Variants in SHISA9 observed in about 807,000 individuals in gnomAD.
The protein encoded by SHISA9 is shisa family member 9, also known as protein shisa-9.
SHISA9 carries 13 observed loss-of-function variants against 38.0 expected under a neutral mutation model. The ratio of observed to expected loss-of-function variants is 0.34; its 90% CI spans 0.22 to 0.54. The LOEUF is 0.54. SHISA9 is among the 20% of genes least tolerant of loss of function. SHISA9 has a pLI of 0.91. For missense variants in SHISA9, 538 were observed against 575.8 expected (o/e 0.93, Z 0.67); for synonymous variants, 275 against 242.0 (o/e 1.14, Z -1.27).
chr16:13,157,320 T>C (rs1328610864), intron 2 of SHISA9, among the ~76,000 whole-genome samples: 1 of 152,190 alleles, frequency 6.6e-6, no homozygotes, highest in Non-Finnish European at 1.5e-5. Context: ...TGTGAAGCAA[T>C]TTAGCATCAC....
At chr16:12,989,940 C>T (rs535661180) in intron 2 of SHISA9, among the ~76,000 whole-genome samples, 2 of 152,220 alleles carry the variant, frequency 1.3e-5, no homozygotes, top group South Asian at 4.1e-4. Context: ...CTTTGCACCC[C>T]TCCTGACAGA....
the SHISA9 span, among the ~76,000 whole-genome samples, chr16:13,508,431 GA>G: frequency 1.3e-5 from 2 of 152,100 alleles, no homozygotes; most frequent in South Asian, 4.2e-4. Context: ...TTTAATGTCT[GA>G]ATTTTTTCTT....
chr16:12,986,113 A>T (rs992667778), intron 2 of SHISA9, among the ~76,000 whole-genome samples: 1 of 152,088 alleles, frequency 6.6e-6, no homozygotes, highest in South Asian at 2.1e-4. Context: ...TTTTTTCATA[A>T]CTGGGAGTAG....
At chr16:13,006,005 C>G (rs893605860) in intron 2 of SHISA9, among the ~76,000 whole-genome samples, 1 of 152,156 alleles carries the variant, frequency 6.6e-6, no homozygotes, top group African/African-American at 2.4e-5. Flanking sequence ...CAAAGTCACC[C>G]ACAAAGGCAT....
chr16:13,287,173 T>C, the SHISA9 span, among the ~76,000 whole-genome samples: 1 of 152,136 alleles, frequency 6.6e-6, no homozygotes, highest in Non-Finnish European at 1.5e-5. Context: ...ATCTACGCTA[T>C]CACATAAGAA....
At chr16:13,384,516 A>G in the SHISA9 span, among the ~76,000 whole-genome samples, 1 of 152,224 alleles carries the variant, frequency 6.6e-6, no homozygotes. Flanking sequence ...CACTGTGGAT[A>G]TAAGAAGAGC....
At chr16:12,940,512 T>G (rs2071596434) in intron 2 of SHISA9, among the ~76,000 whole-genome samples, 1 of 151,332 alleles carries the variant, frequency 6.6e-6, no homozygotes, top group African/African-American at 2.4e-5. Flanking sequence ...CAGGACTAGT[T>G]TAGACTGTGC....
the SHISA9 span, among the ~76,000 whole-genome samples, chr16:13,290,809 C>T: frequency 6.6e-6 from 1 of 152,256 alleles, no homozygotes; most frequent in African/African-American, 2.4e-5. Context: ...CTTTGCTTCT[C>T]CAACCTGCTC....
chr16:13,239,706 T>C lies in SHISA9; in HGVS notation c.*4297T>C, dbSNP rs562280262. ...GTTTGTTTTTTTCTTGTAAATTTGT[T>C]TGAGTTCATTGTAGATTCTGGATAT... On this transcript the variant is annotated 3_prime_UTR_variant, in exon 5 of 5. Coordinates refer to ENST00000558583, the MANE Select transcript of SHISA9 (RefSeq NM_001145204.3). 5.3e-5 allele frequency: 8 copies of C among 152,302 alleles called. No homozygotes were observed. The highest frequency in any genetic ancestry group is 1.9e-4 in the African/African-American group (8 of 41,562). 9.4% of individuals were successfully genotyped at this position (152,302 alleles called of 1,614,324 possible). A position where few individuals can be genotyped will look rare whatever the true frequency, so the allele number is the denominator to read the frequency against.
At chr16:13,437,821 G>A in the SHISA9 span, among the ~76,000 whole-genome samples, 1 of 120,500 alleles carries the variant, frequency 8.3e-6, no homozygotes, top group Admixed American at 9.9e-5. Flanking sequence ...CCAAGTGGTG[G>A]ATCTAAGAGA....
chr16:13,224,312 AT>A (rs1462935254), intron 4 of SHISA9, among the ~76,000 whole-genome samples: 1 of 152,192 alleles, frequency 6.6e-6, no homozygotes, highest in Non-Finnish European at 1.5e-5. Flanking sequence ...GCTAAAGAGT[AT>A]CCAGGTCTCT....
chr16:13,220,749 A>G (rs1048250861), intron 4 of SHISA9, among the ~76,000 whole-genome samples: 3 of 147,490 alleles, frequency 2.0e-5, no homozygotes, highest in African/African-American at 7.5e-5. Flanking sequence ...CCTGTGTGGG[A>G]ATCGGTGGGA....
At position 13,239,712 on chromosome 16, in the gene SHISA9, T is replaced by G. The variant is rs1465095461; in HGVS notation, c.*4303T>G. 6.6e-6 allele frequency: 1 copy of G among 152,128 alleles called. No individual in the cohort carries two copies. Among genetic ancestry groups the G allele is most frequent in the East Asian group, 1.9e-4 (1 of 5,194 alleles). The allele number at this position is 152,128 out of a possible 1,614,324, so 9.4% of individuals were successfully genotyped here. A position where few individuals can be genotyped will look rare whatever the true frequency, so the allele number is the denominator to read the frequency against. On this transcript the variant is annotated 3_prime_UTR_variant, in exon 5 of 5. Coordinates refer to ENST00000558583, the MANE Select transcript of SHISA9 (RefSeq NM_001145204.3). The stretch of plus-strand genomic sequence containing the variant: ...TTTTTTCTTGTAAATTTGTTTGAGT[T>G]CATTGTAGATTCTGGATATTAGCCC...
Position 13,235,248 on chromosome 16 carries a change from G to T in SHISA9, c.1114G>T (p.Asp372Tyr), listed in dbSNP as rs1387442109. The change falls in exon 5 of 5, where the codon GAC (aspartate) becomes TAC (tyrosine). Residue 372 changes from aspartate (D) to tyrosine (Y), a missense_variant. Transcript: ENST00000558583. ...YTSTTNFKGW[D>Y]PNEQSLRRQA... ...CTCTACCACCAACTTTAAGGGCTGG[G>T]ACCCCAACGAGCAGTCCCTCCGGCG... 3.2e-5 allele frequency: 50 copies of T among 1,551,574 alleles called. No individual in the cohort carries two copies. Among genetic ancestry groups the T allele is most frequent in the Non-Finnish European group, 4.2e-5 (48 of 1,147,026 alleles).
At chr16:13,107,843 C>G (rs1401409651) in intron 2 of SHISA9, among the ~76,000 whole-genome samples, 1 of 152,036 alleles carries the variant, frequency 6.6e-6, no homozygotes, top group East Asian at 1.9e-4. Flanking sequence ...AGACTTAGTC[C>G]TTAATTTTGA....
chr16:13,551,015 T>C, the SHISA9 span, among the ~76,000 whole-genome samples: 3 of 151,552 alleles, frequency 2.0e-5, no homozygotes, highest in East Asian at 3.9e-4. Context: ...CCCAGCTACT[T>C]GGGAGGCTGA....
chr16:13,479,524 A>G, the SHISA9 span, among the ~76,000 whole-genome samples: 1 of 152,128 alleles, frequency 6.6e-6, no homozygotes, highest in Non-Finnish European at 1.5e-5. Context: ...TCTATATTCC[A>G]CCAGGTAATC....
At chr16:13,311,108 A>T in the SHISA9 span, among the ~76,000 whole-genome samples, 1 of 152,244 alleles carries the variant, frequency 6.6e-6, no homozygotes, top group Non-Finnish European at 1.5e-5. Flanking sequence ...CAGGGCCTAG[A>T]AGATACTCTG....
the SHISA9 span, among the ~76,000 whole-genome samples, chr16:13,262,894 C>T: frequency 1.3e-5 from 2 of 152,118 alleles, no homozygotes; most frequent in African/African-American, 2.4e-5. Context: ...AGAGCATTAA[C>T]TATCTACTCT....
Sources: gnomAD v4.1 joint callset for allele counts (sites outside exome capture counted in the v4.1 genomes callset) on GRCh38, gnomAD v4.1.1 for gene constraint, MANE v1.5 for transcripts, NCBI Gene and HGNC (gene_info 2026-07-23, HGNC 2026-07-21) for gene names.